The following NEGR1 variants were observed in gnomAD, a reference collection of about 807,000 sequenced individuals.
The protein encoded by NEGR1 is IgLON family member 4.
Under a neutral mutation model 40.9 loss-of-function variants are expected in NEGR1, and 10 were observed. The ratio of observed to expected loss-of-function variants is 0.24; its 90% CI spans 0.15 to 0.42. The LOEUF is 0.42. Among genes scored for constraint, NEGR1 ranks in the 10% least tolerant of loss-of-function variants. The pLI is 1.00. For missense variants in NEGR1, 352 were observed against 438.9 expected (o/e 0.80, Z 1.77); for synonymous variants, 185 against 166.8 (o/e 1.11, Z -0.84).
chr1:72,134,867 A>T lies in NEGR1; in HGVS notation c.176+147452T>A, dbSNP rs553448057. 8.6e-5 allele frequency among the ~76,000 whole-genome samples: 13 copies of T among 151,214 alleles called. No homozygotes were observed. The East Asian group carries it at 2.6e-3, about 30-fold the overall frequency. On this transcript the variant is annotated intron_variant, in intron 1 of 6. Transcript: ENST00000357731. ...ATTCTCCTGCCTCAGCCTCCCGAGT[A>T]GCTGAGATCACAGGCATGTTCCATA...
At chr1:71,984,878 T>C (rs954102765) in intron 1 of NEGR1, among the ~76,000 whole-genome samples, 3 of 152,150 alleles carry the variant, frequency 2.0e-5, no homozygotes, top group African/African-American at 7.2e-5. Flanking sequence ...AATAATGATA[T>C]AAAATAATAA....
At chr1:71,993,408 T>C (rs949550297) in intron 1 of NEGR1, among the ~76,000 whole-genome samples, 1 of 152,150 alleles carries the variant, frequency 6.6e-6, no homozygotes, top group Non-Finnish European at 1.5e-5. Flanking sequence ...ATTTACACTC[T>C]CCATGTCTCT....
At chr1:71,767,890 G>T (rs1247999003) in intron 3 of NEGR1, among the ~76,000 whole-genome samples, 6 of 152,214 alleles carry the variant, frequency 3.9e-5, no homozygotes, top group Admixed American at 3.9e-4. Flanking sequence ...CCCATATAAA[G>T]CTCAGGCCAC....
rs543406047 is a variant in NEGR1 at position 72,057,961 on chromosome 1, G to A, written c.177-122650C>T. ...AAACATAGTCACATTGGGGTTTGGC[G>A]CTTCAAGATATGAGCTTTGAGGGAT... On this transcript the variant is annotated intron_variant, in intron 1 of 6. Transcript: ENST00000357731. Among the ~76,000 whole-genome samples the A allele has an allele frequency of 4.6e-5, 7 of 151,584 alleles. No homozygotes were observed. The East Asian group carries it at 1.2e-3, about 25-fold the overall frequency.
chr1:72,078,415 C>T (rs1647842306), intron 1 of NEGR1, among the ~76,000 whole-genome samples: 1 of 151,974 alleles, frequency 6.6e-6, no homozygotes, highest in South Asian at 2.1e-4. Flanking sequence ...AAAGCACATG[C>T]ACATAAACTA....
chr1:72,273,861 T>C (rs1487084305), intron 1 of NEGR1, among the ~76,000 whole-genome samples: 1 of 151,848 alleles, frequency 6.6e-6, no homozygotes, highest in East Asian at 1.9e-4. Flanking sequence ...AATACATTCA[T>C]TTCTTCACTT....
chr1:71,993,297 T>C (rs993573683), intron 1 of NEGR1, among the ~76,000 whole-genome samples: 1 of 152,176 alleles, frequency 6.6e-6, no homozygotes, highest in Non-Finnish European at 1.5e-5. Context: ...AAGTAATTTT[T>C]AAGCAAGTGA....
Position 71,820,051 on chromosome 1 carries a change from A to T in NEGR1, c.410-43754T>A, listed in dbSNP as rs191284715. 2.1e-3 allele frequency among the ~76,000 whole-genome samples: 326 copies of T among 152,176 alleles called. 3 individuals carry two copies. The highest frequency in any genetic ancestry group is 7.5e-3 in the African/African-American group (311 of 41,562). ...TTCAAAATATTAGGAACAAAGGGGC[A>T]ATGCGTCATTGTCAGAATCTAATGG... On this transcript the variant is annotated intron_variant, in intron 2 of 6. Coordinates refer to ENST00000357731, the MANE Select transcript of NEGR1 (RefSeq NM_173808.3).
At chr1:71,495,476 CGGAA>C (rs1646956636) in intron 6 of NEGR1, among the ~76,000 whole-genome samples, 1 of 88,892 alleles carries the variant, frequency 1.1e-5, no homozygotes, top group African/African-American at 3.8e-5. Flanking sequence ...GACTCCATCT[CGGAA>C]AAAAAAAAAA....
At chr1:71,801,263 A>C (rs1232079401) in intron 2 of NEGR1, among the ~76,000 whole-genome samples, 1 of 152,166 alleles carries the variant, frequency 6.6e-6, no homozygotes, top group African/African-American at 2.4e-5. Context: ...CTGATGTTAG[A>C]GCATCTCAAG....
chr1:71,926,623 C>T lies in NEGR1; in HGVS notation c.409+8456G>A, dbSNP rs191625404. On this transcript the variant is annotated intron_variant, in intron 2 of 6. Transcript: ENST00000357731. ...AAAAAGAGATGACTCAGATGGAAGC[C>T]GACAATGTGTGGTGGCTATCAATAT... Among the ~76,000 whole-genome samples the T allele has an allele frequency of 3.1e-3, 462 of 147,100 alleles. 1 individual carries two copies. Among genetic ancestry groups the T allele is most frequent in the Non-Finnish European group, 4.5e-3 (305 of 67,136 alleles).
At chr1:71,864,227 AG>A (rs1660046411) in intron 2 of NEGR1, among the ~76,000 whole-genome samples, 2 of 152,132 alleles carry the variant, frequency 1.3e-5, no homozygotes, top group Admixed American at 1.3e-4. Context: ...AGTGATCTGC[AG>A]TTGTTAAGAC....
intron 1 of NEGR1, among the ~76,000 whole-genome samples, chr1:71,941,502 C>T (rs1389338916): frequency 6.6e-6 from 1 of 152,034 alleles, no homozygotes; most frequent in East Asian, 1.9e-4. Flanking sequence ...TCTTTTACAA[C>T]TACTCAGACA....
intron 1 of NEGR1, among the ~76,000 whole-genome samples, chr1:72,112,822 T>C (rs550552614): frequency 6.6e-6 from 1 of 151,816 alleles, no homozygotes; most frequent in East Asian, 2.0e-4. Context: ...GTTGTGCTTC[T>C]CTGGGCGCTC....
At chr1:71,596,298 C>A (rs1037387522) in intron 5 of NEGR1, among the ~76,000 whole-genome samples, 2 of 152,214 alleles carry the variant, frequency 1.3e-5, no homozygotes, top group Admixed American at 6.5e-5. Flanking sequence ...CTCCTCTTCT[C>A]CCTTCTGGCT....
At chr1:72,024,013 T>C (rs932519853) in intron 1 of NEGR1, among the ~76,000 whole-genome samples, 6 of 152,112 alleles carry the variant, frequency 3.9e-5, no homozygotes, top group African/African-American at 9.7e-5. Context: ...AGAAGCATTA[T>C]ATAAGCTATC....
At chr1:71,538,465 G>T (rs558161453) in intron 6 of NEGR1, among the ~76,000 whole-genome samples, 1 of 151,552 alleles carries the variant, frequency 6.6e-6, no homozygotes, top group South Asian at 2.1e-4. Context: ...AATCCTTTTG[G>T]TTGCCGTGGT....
rs939931015 is a variant in NEGR1, at chr1:71,640,013, C to G, written c.668-28867G>C. ...TCTTTTCCTGAATGGTTAATTTTAG[C>G]CTTATATGTTGCCTGCTCTTACAAG... On this transcript the variant is annotated intron_variant, in intron 4 of 6. Coordinates refer to ENST00000357731, the MANE Select transcript of NEGR1 (RefSeq NM_173808.3). Among the ~76,000 whole-genome samples, 4 of 152,020 alleles carry G rather than the reference C, an allele frequency of 2.6e-5. No individual in the cohort carries two copies. The East Asian group carries it at 7.8e-4, about 30-fold the overall frequency.
chr1:71,829,911 ATG>A (rs1476794959), intron 2 of NEGR1, among the ~76,000 whole-genome samples: 5 of 151,938 alleles, frequency 3.3e-5, no homozygotes, highest in African/African-American at 1.2e-4. Context: ...AGGTGTTTGC[ATG>A]TATAGTCTGC....
Sources: gnomAD v4.1 joint callset for allele counts (sites outside exome capture counted in the v4.1 genomes callset) on GRCh38, gnomAD v4.1.1 for gene constraint, MANE v1.5 for transcripts, NCBI Gene and HGNC (gene_info 2026-07-23, HGNC 2026-07-21) for gene names.